AMBRA1: variants seen among roughly 807,000 people sequenced by gnomAD.
AMBRA1 encodes autophagy and beclin 1 regulator 1.
AMBRA1 carries 47 observed loss-of-function variants against 125.4 expected under a neutral mutation model. The observed-to-expected ratio is 0.37, with a 90% CI of 0.30 to 0.48. AMBRA1 has a LOEUF of 0.48. Ranked by LOEUF, AMBRA1 falls within the 20% of genes least tolerant of loss-of-function variation. AMBRA1 has a pLI of 0.99. For missense variants in AMBRA1, 1,331 were observed against 1,693.4 expected, an observed-to-expected ratio of 0.79 and a Z score of 3.76; for synonymous variants, 626 against 655.5, an observed-to-expected ratio of 0.95 and a Z score of 0.69.
chr11:46,411,284 A>G (rs1946283847), intron 15 of AMBRA1, among the ~76,000 whole-genome samples: 1 of 152,178 alleles, frequency 6.6e-6, no homozygotes, highest in African/African-American at 2.4e-5. Context: ...ATAAAGAGCA[A>G]ACATCCCCAA....
intron 14 of AMBRA1, among the ~76,000 whole-genome samples, chr11:46,432,724 A>AGATTG (rs1947513740): frequency 6.6e-6 from 1 of 152,268 alleles, no homozygotes; most frequent in Non-Finnish European, 1.5e-5. Context: ...TAAATGGTAC[A>AGATTG]GATTGCACAA....
chr11:46,464,027 CAG>C (rs967606822), intron 11 of AMBRA1, among the ~76,000 whole-genome samples: 31 of 152,292 alleles, frequency 2.0e-4, no homozygotes, highest in African/African-American at 6.7e-4. Flanking sequence ...GCCTAGTAGT[CAG>C]AGACAGTTTT....
chr11:46,562,220 GA>G (rs965959707), intron 1 of AMBRA1, among the ~76,000 whole-genome samples: 2 of 152,158 alleles, frequency 1.3e-5, no homozygotes, highest in South Asian at 2.1e-4. Context: ...AGAGGCAGGT[GA>G]AAAAAATATT....
At chr11:46,513,159 G>C (rs1951330014) in intron 7 of AMBRA1, among the ~76,000 whole-genome samples, 1 of 152,062 alleles carries the variant, frequency 6.6e-6, no homozygotes, top group Admixed American at 6.5e-5. Flanking sequence ...GGCACACACA[G>C]AGATTATCAC....
chr11:46,581,304 C>A (rs1201202632), intron 1 of AMBRA1, among the ~76,000 whole-genome samples: 1 of 151,856 alleles, frequency 6.6e-6, no homozygotes, highest in African/African-American at 2.4e-5. Context: ...GAAACCCTGT[C>A]GCTACTAAAA....
chr11:46,555,732 T>A (rs1436883547), intron 1 of AMBRA1, among the ~76,000 whole-genome samples: 1 of 152,220 alleles, frequency 6.6e-6, no homozygotes, highest in Non-Finnish European at 1.5e-5. Flanking sequence ...CATAGTTTAG[T>A]AAAGTGAATT....
chr11:46,421,163 G>A (rs1946833641), intron 14 of AMBRA1, among the ~76,000 whole-genome samples: 1 of 152,154 alleles, frequency 6.6e-6, no homozygotes, highest in South Asian at 2.1e-4. Flanking sequence ...GGTGAGACAA[G>A]GTCACAGAGG....
chr11:46,475,512 C>T (rs1019261874), intron 11 of AMBRA1, among the ~76,000 whole-genome samples: 7 of 152,158 alleles, frequency 4.6e-5, no homozygotes, highest in African/African-American at 1.7e-4. Flanking sequence ...CCTCCCATCA[C>T]AGACTATCCA....
chr11:46,558,391 A>C (rs2043223429), intron 1 of AMBRA1, among the ~76,000 whole-genome samples: 1 of 151,722 alleles, frequency 6.6e-6, no homozygotes, highest in Non-Finnish European at 1.5e-5. Flanking sequence ...TCTACTAAAA[A>C]TACCAAAATT....
chr11:46,466,768 C>T (rs1296518391), intron 11 of AMBRA1, among the ~76,000 whole-genome samples: 1 of 152,088 alleles, frequency 6.6e-6, no homozygotes, highest in Non-Finnish European at 1.5e-5. Flanking sequence ...GTATTCAAGG[C>T]TAATAAAGTT....
At chr11:46,444,525 T>G (rs1364053980) in intron 11 of AMBRA1, among the ~76,000 whole-genome samples, 1 of 152,238 alleles carries the variant, frequency 6.6e-6, no homozygotes, top group Non-Finnish European at 1.5e-5. Flanking sequence ...CAAACCCTGT[T>G]GGAAGAATAG....
At position 46,552,959 on chromosome 11, in the gene AMBRA1, T is replaced by C. The variant is rs571295353; in HGVS notation, c.-120-4459A>G. ...AAACCTCATCACTCACTTTTTTTCT[T>C]TTTTGAGACAGAGTCTCGCTCCGTC... On this transcript the variant is annotated intron_variant, in intron 1 of 17. Coordinates refer to ENST00000683756, the MANE Select transcript of AMBRA1 (RefSeq NM_001387011.1). Among the ~76,000 whole-genome samples the C allele has an allele frequency of 1.3e-4, 20 of 152,150 alleles. No homozygotes were observed. The East Asian group carries it at 3.3e-3, about 25-fold the overall frequency.
intron 17 of AMBRA1, among the ~76,000 whole-genome samples, chr11:46,399,294 G>T (rs1335582190): frequency 6.6e-6 from 1 of 151,976 alleles, no homozygotes; most frequent in African/African-American, 2.4e-5. Context: ...GGCCAGTCTC[G>T]AACTCCTGAC....
intron 17 of AMBRA1, among the ~76,000 whole-genome samples, chr11:46,408,162 G>A (rs1946114136): frequency 6.6e-6 from 1 of 152,192 alleles, no homozygotes; most frequent in African/African-American, 2.4e-5. Context: ...GCTAGGCTGT[G>A]GTTTGGCCCC....
chr11:46,397,984 G>A, intron 17 of AMBRA1, 41 bp from the exon 18 acceptor site: 1 of 1,541,344 alleles, frequency 6.5e-7, no homozygotes, highest in African/African-American at 1.4e-5. Context: ...ATTGGCTGCT[G>A]GCCTGGGCCT....
At chr11:46,450,418 G>A (rs531791190) in intron 11 of AMBRA1, among the ~76,000 whole-genome samples, 17 of 151,960 alleles carry the variant, frequency 1.1e-4, no homozygotes, top group Non-Finnish European at 2.1e-4. Flanking sequence ...AGGCAGAGAC[G>A]AACAGGTGAG....
intron 11 of AMBRA1, among the ~76,000 whole-genome samples, chr11:46,478,646 C>G (rs1399252217): frequency 1.2e-5 from 1 of 83,824 alleles, no homozygotes; most frequent in East Asian, 3.5e-4. Context: ...TTTCTTTTTT[C>G]TCTTTTTTTT....
At chr11:46,424,507 C>A (rs763638197) in intron 14 of AMBRA1, among the ~76,000 whole-genome samples, 3 of 152,244 alleles carry the variant, frequency 2.0e-5, no homozygotes, top group African/African-American at 7.2e-5. Context: ...GAATCTACTT[C>A]TGTGCTAAAA....
intron 7 of AMBRA1, among the ~76,000 whole-genome samples, chr11:46,535,314 G>A (rs1952418705): frequency 6.6e-6 from 1 of 151,998 alleles, no homozygotes; most frequent in Non-Finnish European, 1.5e-5. Context: ...CATAATTAGA[G>A]GTAAAGCAAA....
Sources: allele counts gnomAD v4.1 joint callset (sites outside exome capture counted in the v4.1 genomes callset), GRCh38; gene constraint gnomAD v4.1.1; transcripts MANE v1.5; gene names NCBI Gene and HGNC (gene_info 2026-07-23, HGNC 2026-07-21).